EPB41L4B: variants seen among roughly 807,000 people sequenced by gnomAD.
The protein encoded by EPB41L4B is erythrocyte membrane protein band 4.1 like 4B, also known as band 4.1-like protein 4B.
A neutral mutation model predicts 112.5 loss-of-function variants in EPB41L4B; 30 were observed. That is an observed-to-expected ratio of 0.27 (90% CI 0.20 to 0.36). The LOEUF (loss-of-function observed/expected upper bound fraction) is 0.36. Among genes scored for constraint, EPB41L4B ranks in the 10% least tolerant of loss-of-function variants. The probability of loss-of-function intolerance (pLI) is 1.00; values close to 1 mark genes in which losing one functional copy is unlikely to be tolerated. For missense variants in EPB41L4B, 1,024 were observed against 1,133.3 expected (o/e 0.90, Z 1.38); for synonymous variants, 408 against 439.7 (o/e 0.93, Z 0.90).
chr9:109,177,090 C>G (rs142298545), intron 24 of EPB41L4B, among the ~76,000 whole-genome samples: 1,879 of 152,292 alleles, frequency 0.012, 14 homozygotes, highest in Middle Eastern at 0.034. Flanking sequence ...TATTTTAAAA[C>G]TGATTTTATG....
chr9:109,248,954 G>A (rs2118996132), intron 13 of EPB41L4B, among the ~76,000 whole-genome samples: 1 of 151,756 alleles, frequency 6.6e-6, no homozygotes, highest in Admixed American at 6.6e-5. Flanking sequence ...AGCTACTCGG[G>A]AGGCTGAGGC....
rs1292867327 is a variant in EPB41L4B, at chr9:109,192,354, C to T, written c.2225G>A (p.Ser742Asn). Reference sequence around the variant, plus strand: ...AAAGGCACCTCCTCGGTCAGAGGGGCTCTAGGGAGACAGACAAACACCCCT... The same window carrying T: ...AAAGGCACCTCCTCGGTCAGAGGGGTTCTAGGGAGACAGACAAACACCCCT... ...GKGLLSPGAK[S>N]PSDRGGAFTL... The change falls in exon 22 of 26, where the codon AGC becomes AAC. Residue 742 changes from serine (S) to asparagine (N), a missense_variant and splice_region_variant. Coordinates refer to ENST00000374566, the MANE Select transcript of EPB41L4B (RefSeq NM_019114.5). 6.2e-7 allele frequency: 1 copy of T among 1,602,812 alleles called. No homozygotes were observed. The highest frequency in any genetic ancestry group is 1.1e-5 in the South Asian group (1 of 89,386).
rs77123622 is a variant in EPB41L4B at position 109,264,689 on chromosome 9, C to T, written c.578+291G>A. Among the ~76,000 whole-genome samples the T allele has an allele frequency of 1.5e-3, 226 of 152,232 alleles. 1 individual carries two copies. Among genetic ancestry groups the T allele is most frequent in the Admixed American group, 2.4e-3 (36 of 15,300 alleles). On this transcript the variant is annotated intron_variant, in intron 5 of 25. Transcript: ENST00000374566. ...TAATAACGTATCTTGCTTGCAAATA[C>T]GACAAAAGCCATTATGAATGGGACA...
chr9:109,299,507 C>T (rs112602241), intron 1 of EPB41L4B, among the ~76,000 whole-genome samples: 38 of 151,994 alleles, frequency 2.5e-4, no homozygotes, highest in African/African-American at 8.5e-4. Context: ...TGGTCTTGAA[C>T]TCCTGGCCCC....
chr9:109,315,004 G>A (rs956825768), intron 1 of EPB41L4B, among the ~76,000 whole-genome samples: 22 of 152,000 alleles, frequency 1.4e-4, no homozygotes, highest in African/African-American at 4.4e-4. Context: ...CTGCTCTACC[G>A]TTGCCCCCTT....
At chr9:109,274,447 A>T (rs1350222747) in intron 2 of EPB41L4B, among the ~76,000 whole-genome samples, 2 of 152,198 alleles carry the variant, frequency 1.3e-5, no homozygotes, top group Non-Finnish European at 2.9e-5. Flanking sequence ...TCTCTCCTCC[A>T]GACCCACAGA....
intron 15 of EPB41L4B, among the ~76,000 whole-genome samples, chr9:109,226,406 C>T (rs1180236324): frequency 6.6e-6 from 1 of 151,984 alleles, no homozygotes; most frequent in Admixed American, 6.6e-5. Flanking sequence ...CCTTGTCCCT[C>T]CAGCTCTAGG....
chr9:109,312,089 C>T (rs187602617), intron 1 of EPB41L4B, among the ~76,000 whole-genome samples: 14 of 152,142 alleles, frequency 9.2e-5, no homozygotes, highest in African/African-American at 3.4e-4. Context: ...CTAGAATACA[C>T]ACAAAAGAGG....
intron 1 of EPB41L4B, among the ~76,000 whole-genome samples, chr9:109,306,453 A>C (rs561326605): frequency 6.6e-6 from 1 of 152,280 alleles, no homozygotes; most frequent in Admixed American, 6.5e-5. Flanking sequence ...GTCTCTATTA[A>C]AAATACAAAA....
chr9:109,229,440 C>G (rs1474555698), intron 15 of EPB41L4B, among the ~76,000 whole-genome samples: 4 of 152,194 alleles, frequency 2.6e-5, no homozygotes, highest in African/African-American at 9.6e-5. Flanking sequence ...TCGCATACAT[C>G]TCGTCTGGAT....
intron 19 of EPB41L4B, among the ~76,000 whole-genome samples, chr9:109,202,874 G>T (rs1025356608): frequency 6.6e-6 from 1 of 152,198 alleles, no homozygotes; most frequent in Admixed American, 6.5e-5. Flanking sequence ...AGAAAAAGTA[G>T]GCTAGGTGTG....
chr9:109,267,075 CTTGTA>C (rs1440268107), intron 4 of EPB41L4B, among the ~76,000 whole-genome samples: 1 of 151,392 alleles, frequency 6.6e-6, no homozygotes, highest in African/African-American at 2.4e-5. Flanking sequence ...AAAGAGGTTC[CTTGTA>C]TTGTAACAAT....
intron 15 of EPB41L4B, among the ~76,000 whole-genome samples, chr9:109,232,766 C>T (rs1261307587): frequency 8.5e-5 from 13 of 152,170 alleles, no homozygotes. Context: ...ACACTGGGTA[C>T]GTGTTTCTAG....
intron 13 of EPB41L4B, among the ~76,000 whole-genome samples, chr9:109,251,248 A>C (rs182215143): frequency 6.6e-6 from 1 of 152,344 alleles, no homozygotes; most frequent in East Asian, 1.9e-4. Flanking sequence ...CAAAGCACAC[A>C]GCTACTCAAA....
At chr9:109,200,783 A>T (rs527921745) in intron 19 of EPB41L4B, among the ~76,000 whole-genome samples, 85 of 144,202 alleles carry the variant, frequency 5.9e-4, no homozygotes, top group African/African-American at 1.6e-3. Context: ...TTTTTTTTTA[A>T]AAAAAGATAA....
At chr9:109,198,291 G>C (rs1832712180) in intron 20 of EPB41L4B, among the ~76,000 whole-genome samples, 1 of 152,144 alleles carries the variant, frequency 6.6e-6, no homozygotes, top group Admixed American at 6.5e-5. Context: ...TTCCTCAGAA[G>C]CTTCCAGGTC....
intron 21 of EPB41L4B, among the ~76,000 whole-genome samples, chr9:109,193,841 G>A (rs564149217): frequency 6.6e-6 from 1 of 152,238 alleles, no homozygotes; most frequent in African/African-American, 2.4e-5. Context: ...GAAGGGATGG[G>A]GACACTTCTA....
At chr9:109,204,555 G>A (rs1303354980) in intron 18 of EPB41L4B, among the ~76,000 whole-genome samples, 1 of 152,158 alleles carries the variant, frequency 6.6e-6, no homozygotes, top group Non-Finnish European at 1.5e-5. Flanking sequence ...GCAGCAGCAC[G>A]ATCATGGCTC....
chr9:109,257,562 G>A (rs1835027971), intron 7 of EPB41L4B, among the ~76,000 whole-genome samples: 1 of 152,196 alleles, frequency 6.6e-6, no homozygotes, highest in South Asian at 2.1e-4. Context: ...CAGAGATGCA[G>A]GTATGTGAGA....
Sources: allele counts gnomAD v4.1 joint callset (sites outside exome capture counted in the v4.1 genomes callset), GRCh38; gene constraint gnomAD v4.1.1; transcripts MANE v1.5; gene names NCBI Gene and HGNC (gene_info 2026-07-23, HGNC 2026-07-21).